GPALPP1: variants seen among roughly 807,000 people sequenced by gnomAD.
The protein encoded by GPALPP1 is GPALPP motifs-containing protein 1.
Under a neutral mutation model 38.9 loss-of-function variants are expected in GPALPP1, and 30 were observed. The observed-to-expected ratio is 0.77, with a 90% CI of 0.58 to 1.05. GPALPP1 has a LOEUF of 1.05. GPALPP1 is among the 50% of genes least tolerant of loss of function. GPALPP1 has a pLI of 0.00. For synonymous variants in GPALPP1, 120 were observed against 139.2 expected (o/e 0.86, Z 0.97); for missense variants, 384 against 408.8 (o/e 0.94, Z 0.52).
intron 4 of GPALPP1, 84 bp downstream of exon 4, chr13:45,008,963 T>C (rs1460808944): frequency 1.3e-6 from 1 of 783,456 alleles, no homozygotes; most frequent in African/African-American, 1.7e-5. Flanking sequence ...CCAAACTTTA[T>C]GCATGCAGTT....
At chr13:45,034,289 A>C (rs555126035), downstream of GPALPP1, 14 of 152,326 alleles carry the variant, frequency 9.2e-5, no homozygotes, top group African/African-American at 3.4e-4. Context: ...AGATTCCTTG[A>C]TTTGTGATTT....
At chr13:45,010,915 G>A (rs2137981778) in intron 4 of GPALPP1, among the ~76,000 whole-genome samples, 1 of 152,204 alleles carries the variant, frequency 6.6e-6, no homozygotes, top group East Asian at 1.9e-4. Flanking sequence ...CCCAGGAGGT[G>A]GAGGTTGCAG....
intron 4 of GPALPP1, among the ~76,000 whole-genome samples, chr13:45,009,533 G>C (rs895000589): frequency 3.9e-5 from 6 of 152,096 alleles, no homozygotes; most frequent in African/African-American, 1.4e-4. Context: ...CCTTACCCAA[G>C]ATTACACAAT....
At chr13:45,010,423 C>G (rs769617672) in intron 4 of GPALPP1, among the ~76,000 whole-genome samples, 15 of 152,076 alleles carry the variant, frequency 9.9e-5, no homozygotes, top group Admixed American at 6.5e-5. Context: ...TTTACTGCTT[C>G]TTTTTGTTTA....
intron 4 of GPALPP1, among the ~76,000 whole-genome samples, chr13:45,011,282 A>G (rs1227454302): frequency 6.6e-6 from 1 of 152,204 alleles, no homozygotes; most frequent in Non-Finnish European, 1.5e-5. Context: ...TAGCTTCATG[A>G]TCAGTAACAT....
intron 3 of GPALPP1, among the ~76,000 whole-genome samples, chr13:45,007,149 AAGAC>A (rs572455593): frequency 6.6e-6 from 1 of 152,278 alleles, no homozygotes; most frequent in East Asian, 1.9e-4. Context: ...TGAAAAAACA[AAGAC>A]AGATATGCCA....
At chr13:44,994,914 C>T (rs1182944213) in intron 1 of GPALPP1, among the ~76,000 whole-genome samples, 14 of 151,552 alleles carry the variant, frequency 9.2e-5, no homozygotes, top group Admixed American at 9.2e-4. Flanking sequence ...AGTGCAATGG[C>T]ACAATCTCGG....
At chr13:45,005,535 C>G (rs1159496484) in intron 2 of GPALPP1, among the ~76,000 whole-genome samples, 1 of 151,996 alleles carries the variant, frequency 6.6e-6, no homozygotes, top group Non-Finnish European at 1.5e-5. Flanking sequence ...AACTTAAAAC[C>G]CTTCCTTAGA....
intron 1 of GPALPP1, chr13:45,001,748 C>T (rs1043810192): frequency 3.3e-5 from 5 of 151,886 alleles, no homozygotes; most frequent in African/African-American, 1.2e-4. Flanking sequence ...ATGGCGTGAT[C>T]TTGGCTCACT....
intron 4 of GPALPP1, among the ~76,000 whole-genome samples, chr13:45,012,824 T>G (rs183874329): frequency 4.7e-4 from 71 of 152,342 alleles, no homozygotes; most frequent in African/African-American, 1.7e-3. Flanking sequence ...GGGCTTTTCT[T>G]TGCCTCATTC....
At chr13:45,000,719 A>C (rs1353177886) in intron 1 of GPALPP1, among the ~76,000 whole-genome samples, 2 of 152,332 alleles carry the variant, frequency 1.3e-5, no homozygotes, top group Non-Finnish European at 2.9e-5. Flanking sequence ...CTGTGGGGTC[A>C]CACATGAGGT....
intron 4 of GPALPP1, among the ~76,000 whole-genome samples, chr13:45,011,628 T>C (rs1376920563): frequency 6.6e-6 from 1 of 152,168 alleles, no homozygotes; most frequent in Non-Finnish European, 1.5e-5. Flanking sequence ...CACCCCATGA[T>C]TGAATTATCT....
chr13:44,991,692 A>G (rs999244221), intron 1 of GPALPP1, among the ~76,000 whole-genome samples: 2 of 152,198 alleles, frequency 1.3e-5, no homozygotes, highest in African/African-American at 2.4e-5. Context: ...CACATCCACT[A>G]TATCACACCA....
intron 6 of GPALPP1, among the ~76,000 whole-genome samples, chr13:45,018,304 G>A (rs567304635): frequency 2.0e-5 from 3 of 152,142 alleles, no homozygotes; most frequent in African/African-American, 7.2e-5. Context: ...GGCTGAGACA[G>A]GAGAATGGCG....
chr13:45,033,666 T>G (rs1281401399), downstream of GPALPP1: 1 of 152,182 alleles, frequency 6.6e-6, no homozygotes, highest in Non-Finnish European at 1.5e-5. Flanking sequence ...GCAGGCAGTA[T>G]TGGTAAAGAG....
rs1566068243 is a variant in GPALPP1 at position 44,989,596 on chromosome 13, T to C, written c.-59T>C. On this transcript the variant is annotated 5_prime_UTR_variant, in exon 1 of 8. Transcript: ENST00000379151. ...TCGCTGCTGATCGCGGGATTCTTTTTGGATAGGGTTGACGTTCGTGGATAG... is the reference window on the plus strand; with the variant it reads ...TCGCTGCTGATCGCGGGATTCTTTTCGGATAGGGTTGACGTTCGTGGATAG... 6.6e-7 allele frequency: 1 copy of C among 1,515,560 alleles called. No homozygotes were observed. Among genetic ancestry groups the C allele is most frequent in the Non-Finnish European group, 9.1e-7 (1 of 1,097,396 alleles). 93.9% of individuals were successfully genotyped at this position (1,515,560 alleles called of 1,614,324 possible).
chr13:45,027,664 G>T, intron 7 of GPALPP1, 121 bp from the exon 8 acceptor site: 2 of 527,742 alleles, frequency 3.8e-6, no homozygotes, highest in Middle Eastern at 5.1e-4. Flanking sequence ...AAAACTACTG[G>T]GGTTTGTAAA....
At chr13:44,992,356 T>TA (rs1356661956) in intron 1 of GPALPP1, among the ~76,000 whole-genome samples, 1 of 152,196 alleles carries the variant, frequency 6.6e-6, no homozygotes, top group East Asian at 1.9e-4. Context: ...GAGTTCTTTT[T>TA]ATAGTCTGGA....
chr13:45,028,114 A>T lies in GPALPP1; in HGVS notation c.*111A>T. The T allele has an allele frequency of 2.0e-6, 1 of 506,834 alleles. No homozygotes were observed. Among genetic ancestry groups the T allele is most frequent in the Non-Finnish European group, 3.4e-6 (1 of 293,882 alleles). The allele number at this position is 506,834 out of a possible 1,614,324, so 31.4% of individuals were successfully genotyped here. On this transcript the variant is annotated 3_prime_UTR_variant, in exon 8 of 8. Coordinates refer to ENST00000379151, the MANE Select transcript of GPALPP1 (RefSeq NM_018559.5). Reference sequence around the variant, plus strand: ...AATCTATTTCCTTTTATAATAGATTAAAAATTTTATATTTTTATAAGTAAA... The same window carrying T: ...AATCTATTTCCTTTTATAATAGATTTAAAATTTTATATTTTTATAAGTAAA...
Sources: gnomAD v4.1 joint callset for allele counts (sites outside exome capture counted in the v4.1 genomes callset) on GRCh38, gnomAD v4.1.1 for gene constraint, MANE v1.5 for transcripts, NCBI Gene and HGNC (gene_info 2026-07-23, HGNC 2026-07-21) for gene names.